Variants in SORCS1 observed in about 807,000 individuals in gnomAD.
The protein encoded by SORCS1 is sortilin related VPS10 domain containing receptor 1, also known as VPS10 domain-containing receptor SorCS1.
SORCS1 carries 60 observed loss-of-function variants against 146.1 expected under a neutral mutation model. That is an observed-to-expected ratio of 0.41 (90% CI 0.33 to 0.51). The LOEUF is 0.51. SORCS1 is among the 20% of genes least tolerant of loss of function. The probability of loss-of-function intolerance (pLI) is 0.21; values close to 1 mark genes in which losing one functional copy is unlikely to be tolerated. For synonymous variants in SORCS1, 637 were observed against 584.0 expected, an observed-to-expected ratio of 1.09 and a Z score of -1.31; for missense variants, 1,352 against 1,487.6, an observed-to-expected ratio of 0.91 and a Z score of 1.50.
chr10:106,789,959 G>A, intron 3 of SORCS1, among the ~76,000 whole-genome samples: 1 of 152,222 alleles, frequency 6.6e-6, no homozygotes, highest in East Asian at 1.9e-4. Context: ...GAAGAGGTGA[G>A]CAAGAGGAAC....
intron 1 of SORCS1, among the ~76,000 whole-genome samples, chr10:107,023,311 G>C (rs987352501): frequency 1.3e-5 from 2 of 152,156 alleles, no homozygotes; most frequent in African/African-American, 4.8e-5. Context: ...AAACCGAAAC[G>C]ATCAAGGGCT....
intron 19 of SORCS1, among the ~76,000 whole-genome samples, chr10:106,628,064 T>C (rs966278324): frequency 6.6e-6 from 1 of 152,176 alleles, no homozygotes; most frequent in Non-Finnish European, 1.5e-5. Context: ...CTGTAAACTA[T>C]AGCCAAAAAT....
chr10:106,995,473 G>T (rs1300849264), intron 1 of SORCS1, among the ~76,000 whole-genome samples: 1 of 152,118 alleles, frequency 6.6e-6, no homozygotes, highest in East Asian at 1.9e-4. Context: ...CTATGCTCTG[G>T]CATGGATTAT....
intron 3 of SORCS1, among the ~76,000 whole-genome samples, chr10:106,784,831 C>G (rs1432239593): frequency 6.6e-6 from 1 of 152,178 alleles, no homozygotes; most frequent in Non-Finnish European, 1.5e-5. Flanking sequence ...GAAAGAGAAG[C>G]TATCAGTCTA....
chr10:106,950,864 G>A (rs907107372), intron 2 of SORCS1, among the ~76,000 whole-genome samples: 3 of 152,044 alleles, frequency 2.0e-5, no homozygotes, highest in Non-Finnish European at 4.4e-5. Context: ...CTAACACTCA[G>A]CATCATGCCA....
At chr10:106,973,230 G>C (rs1955862889) in intron 1 of SORCS1, among the ~76,000 whole-genome samples, 2 of 152,178 alleles carry the variant, frequency 1.3e-5, no homozygotes, top group Non-Finnish European at 2.9e-5. Flanking sequence ...TTCAAAGAAA[G>C]GAGATTTCCA....
At chr10:107,097,856 G>A (rs1964644806) in intron 1 of SORCS1, among the ~76,000 whole-genome samples, 1 of 152,092 alleles carries the variant, frequency 6.6e-6, no homozygotes, top group Non-Finnish European at 1.5e-5. Flanking sequence ...ATTTGAGTGT[G>A]CCATCTCTTT....
At chr10:107,154,525 A>C (rs1352479640) in intron 1 of SORCS1, among the ~76,000 whole-genome samples, 1 of 152,238 alleles carries the variant, frequency 6.6e-6, no homozygotes, top group African/African-American at 2.4e-5. Context: ...CACATGAAAA[A>C]AAAACACTTT....
At chr10:106,666,272 G>A (rs564767712) in intron 17 of SORCS1, among the ~76,000 whole-genome samples, 5 of 152,368 alleles carry the variant, frequency 3.3e-5, no homozygotes, top group African/African-American at 9.6e-5. Flanking sequence ...AGTTCCCAAA[G>A]TAAGAGAGAA....
intron 4 of SORCS1, 108 bp downstream of exon 4, chr10:106,776,426 G>A: frequency 1.4e-6 from 2 of 1,426,174 alleles, no homozygotes; most frequent in East Asian, 2.3e-5. Context: ...TCAGGCTACT[G>A]CTCAGAACAA....
chr10:106,705,294 G>A (rs1283470516), intron 8 of SORCS1, among the ~76,000 whole-genome samples: 1 of 152,152 alleles, frequency 6.6e-6, no homozygotes. Context: ...CCTCTAATGG[G>A]CTGAGGCTTA....
the SORCS1 span, among the ~76,000 whole-genome samples, chr10:107,175,096 A>G: frequency 1.3e-5 from 2 of 152,220 alleles, no homozygotes; most frequent in African/African-American, 4.8e-5. Flanking sequence ...TTACCTTCCT[A>G]GAACAAACTC....
At chr10:107,071,932 A>G (rs1417556064) in intron 1 of SORCS1, among the ~76,000 whole-genome samples, 1 of 152,180 alleles carries the variant, frequency 6.6e-6, no homozygotes, top group East Asian at 1.9e-4. Flanking sequence ...CAATATGAAA[A>G]CTCAGAAATA....
At chr10:106,714,484 A>G (rs1855224041) in intron 6 of SORCS1, among the ~76,000 whole-genome samples, 1 of 152,190 alleles carries the variant, frequency 6.6e-6, no homozygotes, top group Non-Finnish European at 1.5e-5. Context: ...TGTTAACATT[A>G]GAGGAAGCTG....
At chr10:106,615,893 G>A (rs1564780961) in intron 21 of SORCS1, among the ~76,000 whole-genome samples, 2 of 152,152 alleles carry the variant, frequency 1.3e-5, no homozygotes, top group East Asian at 3.9e-4. Flanking sequence ...CATACCCTCT[G>A]GATTCAGAAT....
intron 3 of SORCS1, among the ~76,000 whole-genome samples, chr10:106,788,123 AAC>A (rs1946143685): frequency 6.6e-6 from 1 of 152,176 alleles, no homozygotes; most frequent in African/African-American, 2.4e-5. Context: ...AAATTAATCA[AAC>A]AGTTATAAAA....
rs950967065 is a variant in SORCS1, at chr10:106,870,582, T to C, written c.627-40909A>G. On this transcript the variant is annotated intron_variant, in intron 2 of 25. Transcript: ENST00000263054. ...CCACAAAGTTGACTAAAACAAACAA[T>C]AGGGAAAAGACTTTGTATTCAATAA... is the stretch of plus-strand genomic sequence containing the variant. Among the ~76,000 whole-genome samples, 3 of 152,030 alleles carry C rather than the reference T, an allele frequency of 2.0e-5. No individual in the cohort carries two copies. The South Asian group carries it at 6.2e-4, about 32-fold the overall frequency.
chr10:106,992,638 G>A (rs1589871643), intron 1 of SORCS1, among the ~76,000 whole-genome samples: 1 of 151,236 alleles, frequency 6.6e-6, no homozygotes, highest in Non-Finnish European at 1.5e-5. Flanking sequence ...GAGACTATAG[G>A]TGTACACCAT....
At chr10:107,080,411 T>TAACA (rs1401246602) in intron 1 of SORCS1, among the ~76,000 whole-genome samples, 1 of 152,182 alleles carries the variant, frequency 6.6e-6, no homozygotes, top group African/African-American at 2.4e-5. Flanking sequence ...CTGTGAACAC[T>TAACA]AACAATACTT....
Sources: allele counts gnomAD v4.1 joint callset (sites outside exome capture counted in the v4.1 genomes callset), GRCh38; gene constraint gnomAD v4.1.1; transcripts MANE v1.5; gene names NCBI Gene and HGNC (gene_info 2026-07-23, HGNC 2026-07-21).